Variants in NEK1 observed in about 807,000 individuals in gnomAD.
NEK1 encodes NIMA related kinase 1, also known as serine/threonine-protein kinase Nek1.
Under a neutral mutation model 182.1 loss-of-function variants are expected in NEK1, and 137 were observed. That is an observed-to-expected ratio of 0.75 (90% CI 0.65 to 0.87). The LOEUF (loss-of-function observed/expected upper bound fraction) is 0.87. NEK1 is among the 40% of genes least tolerant of loss of function. The pLI is 0.00. For synonymous variants in NEK1, 513 were observed against 492.2 expected (o/e 1.04, Z -0.56); for missense variants, 1,391 against 1,494.4 (o/e 0.93, Z 1.14).
At chr4:169,611,009 T>G (rs1378190970) in intron 2 of NEK1, among the ~76,000 whole-genome samples, 1 of 152,246 alleles carries the variant, frequency 6.6e-6, no homozygotes, top group Non-Finnish European at 1.5e-5. Flanking sequence ...TAGACTTTTT[T>G]CAAAATATTT....
intron 18 of NEK1, among the ~76,000 whole-genome samples, chr4:169,547,309 C>A (rs1760657583): frequency 1.3e-5 from 2 of 152,206 alleles, no homozygotes; most frequent in Non-Finnish European, 2.9e-5. Flanking sequence ...CCCCCACTCT[C>A]TTCTGGCTTG....
chr4:169,461,248 A>G (rs986755927), intron 27 of NEK1, among the ~76,000 whole-genome samples: 2 of 152,144 alleles, frequency 1.3e-5, no homozygotes, highest in Admixed American at 1.3e-4. Context: ...AGAATAGCAT[A>G]CTGCCTGGAA....
intron 18 of NEK1, among the ~76,000 whole-genome samples, chr4:169,552,200 AT>A (rs1438658073): frequency 6.6e-6 from 1 of 152,106 alleles, no homozygotes; most frequent in Non-Finnish European, 1.5e-5. Context: ...TAATTAAATC[AT>A]TTCCTTATAA....
chr4:169,401,849 T>G lies in NEK1; in HGVS notation c.3386A>C (p.Glu1129Ala). ...CAGCTCTTGTAAATCTGTGTCAGTT[T>G]CTTCAAACACACTGAAATTTAAAAA... ...PSDSEDIVFE[E>A]TDTDLQELQA... Residue 1129 changes from glutamate to alanine, a missense_variant, in exon 33 of 36, where the codon GAA (glutamate) becomes GCA (alanine). Glu to Ala is a moderately radical substitution (Grantham distance 107, BLOSUM62 -1). Around this residue, in one of 5 missense-constraint regions of NEK1, gnomAD observed 1,216 missense variants for 1,277.6 expected, o/e 0.95. Coordinates refer to ENST00000507142, the MANE Select transcript of NEK1 (RefSeq NM_001199397.3). The G allele has an allele frequency of 1.2e-6, 2 of 1,609,330 alleles. No individual in the cohort carries two copies. The highest frequency in any genetic ancestry group is 1.7e-6 in the Non-Finnish European group (2 of 1,177,602).
chr4:169,529,937 A>G (rs1316138269), intron 19 of NEK1, among the ~76,000 whole-genome samples: 2 of 152,210 alleles, frequency 1.3e-5, no homozygotes, highest in Non-Finnish European at 2.9e-5. Flanking sequence ...TTCGAGTACA[A>G]TGCTGATGGG....
chr4:169,460,896 AAT>A (rs956280416), intron 27 of NEK1, among the ~76,000 whole-genome samples: 60 of 152,192 alleles, frequency 3.9e-4, no homozygotes, highest in Admixed American at 1.4e-3. Context: ...GAAAATGGAA[AAT>A]CTATGAGTGT....
intron 27 of NEK1, among the ~76,000 whole-genome samples, chr4:169,449,994 G>A (rs948233399): frequency 1.3e-5 from 2 of 152,180 alleles, no homozygotes; most frequent in African/African-American, 4.8e-5. Context: ...ATGACCTGAT[G>A]GAGCTGAAAA....
intron 31 of NEK1, among the ~76,000 whole-genome samples, chr4:169,420,350 T>C (rs1264338732): frequency 6.6e-6 from 1 of 152,162 alleles, no homozygotes; most frequent in Non-Finnish European, 1.5e-5. Context: ...TCCAAAATAA[T>C]GATAAAAAGT....
At chr4:169,404,625 C>A (rs986218849) in intron 32 of NEK1, among the ~76,000 whole-genome samples, 18 of 152,032 alleles carry the variant, frequency 1.2e-4, no homozygotes, top group African/African-American at 4.3e-4. Flanking sequence ...ACTTTTTATC[C>A]AGGTGATTTG....
chr4:169,428,368 A>ATATATATATATATATG (rs1736798243), intron 29 of NEK1, among the ~76,000 whole-genome samples: 1 of 145,166 alleles, frequency 6.9e-6, no homozygotes, highest in African/African-American at 2.5e-5. Flanking sequence ...ATATATATAT[A>ATATATATATATATATG]TATAATGGAA....
intron 23 of NEK1, among the ~76,000 whole-genome samples, chr4:169,499,776 A>G (rs1752072262): frequency 6.6e-6 from 1 of 152,196 alleles, no homozygotes; most frequent in African/African-American, 2.4e-5. Flanking sequence ...GTCTCAGAGG[A>G]GTACCAGGCT....
chr4:169,552,208 A>G (rs902952046), intron 18 of NEK1, among the ~76,000 whole-genome samples: 3 of 152,108 alleles, frequency 2.0e-5, no homozygotes, highest in Non-Finnish European at 2.9e-5. Flanking sequence ...TCATTTCCTT[A>G]TAAGTGATTA....
At chr4:169,415,867 G>A (rs142817137) in intron 31 of NEK1, among the ~76,000 whole-genome samples, 2 of 152,282 alleles carry the variant, frequency 1.3e-5, no homozygotes, top group African/African-American at 2.4e-5. Context: ...GAATGCCTTA[G>A]TATCATGATC....
At chr4:169,448,421 C>T (rs937911902) in intron 27 of NEK1, among the ~76,000 whole-genome samples, 5 of 150,972 alleles carry the variant, frequency 3.3e-5, no homozygotes, top group African/African-American at 1.2e-4. Flanking sequence ...CTCATAGTAC[C>T]CTCAAAAATA....
intron 19 of NEK1, among the ~76,000 whole-genome samples, chr4:169,530,183 G>A (rs35460653): frequency 0.16 from 24,475 of 152,134 alleles, 2,492 homozygotes; most frequent in South Asian, 0.31. Flanking sequence ...ACTCAGCAGC[G>A]AAATGAAACA....
chr4:169,554,745 A>G (rs1761926245), intron 18 of NEK1: 1 of 152,172 alleles, frequency 6.6e-6, no homozygotes, highest in Non-Finnish European at 1.5e-5. Flanking sequence ...GATACCTATA[A>G]TTATACATTC....
At chr4:169,432,733 A>ATATC (rs1376645966) in intron 29 of NEK1, among the ~76,000 whole-genome samples, 4 of 152,154 alleles carry the variant, frequency 2.6e-5, no homozygotes, top group Non-Finnish European at 5.9e-5. Flanking sequence ...ATGGGGACAG[A>ATATC]TGTAAGCAAG....
At chr4:169,506,042 G>A (rs1027937022) in intron 23 of NEK1, among the ~76,000 whole-genome samples, 31 of 150,946 alleles carry the variant, frequency 2.1e-4, no homozygotes, top group African/African-American at 7.6e-4. Flanking sequence ...TTCTTAACTT[G>A]TAGGTTTAAT....
At chr4:169,535,503 G>C (rs1758333588) in intron 19 of NEK1, among the ~76,000 whole-genome samples, 1 of 152,006 alleles carries the variant, frequency 6.6e-6, no homozygotes. Context: ...TCAGTGAATG[G>C]TTAGTAGTGT....
Sources: allele counts gnomAD v4.1 joint callset (sites outside exome capture counted in the v4.1 genomes callset), GRCh38; gene constraint gnomAD v4.1.1; regional missense constraint gnomAD v4.1.1; transcripts MANE v1.5; gene names NCBI Gene and HGNC (gene_info 2026-07-23, HGNC 2026-07-21).